Variants in PDE1C observed in about 807,000 individuals in gnomAD.
PDE1C encodes phosphodiesterase 1C.
Under a neutral mutation model 93.1 loss-of-function variants are expected in PDE1C, and 62 were observed. The ratio of observed to expected loss-of-function variants is 0.67; its 90% confidence interval spans 0.54 to 0.82. The LOEUF (loss-of-function observed/expected upper bound fraction) is 0.82, where lower values mean the gene tolerates loss of function less well. PDE1C is among the 40% of genes least tolerant of loss of function. The pLI is 0.00. For missense variants in PDE1C, 742 were observed against 884.6 expected (o/e 0.84, Z 2.04); for synonymous variants, 325 against 310.1 (o/e 1.05, Z -0.50).
At chr7:31,953,165 C>G (rs761363443) in intron 2 of PDE1C, among the ~76,000 whole-genome samples, 1 of 152,160 alleles carries the variant, frequency 6.6e-6, no homozygotes, top group Non-Finnish European at 1.5e-5. Context: ...TCATAATTAA[C>G]TGAATGTTTA....
At chr7:31,736,036 T>A in the PDE1C span, among the ~76,000 whole-genome samples, 1 of 152,150 alleles carries the variant, frequency 6.6e-6, no homozygotes, top group Non-Finnish European at 1.5e-5. Context: ...TGTGTGCAAA[T>A]TTTTTTGTGG....
chr7:31,816,621 G>A (rs1317358803), intron 14 of PDE1C, among the ~76,000 whole-genome samples: 1 of 152,074 alleles, frequency 6.6e-6, no homozygotes, highest in African/African-American at 2.4e-5. Context: ...AGTAAAAACT[G>A]CAGCTTCATG....
chr7:32,369,988 C>T (rs189838772), intron 1 of PDE1C, among the ~76,000 whole-genome samples: 5 of 152,116 alleles, frequency 3.3e-5, no homozygotes, highest in Non-Finnish European at 7.3e-5. Context: ...TGGGTATATA[C>T]CCAAAGGATT....
intron 1 of PDE1C, among the ~76,000 whole-genome samples, chr7:32,307,617 T>C (rs1813043279): frequency 6.6e-6 from 1 of 152,112 alleles, no homozygotes; most frequent in South Asian, 2.1e-4. Context: ...CCCTGCTGCA[T>C]GCCCAGGACT....
At chr7:32,362,277 G>A (rs1224427759) in intron 1 of PDE1C, among the ~76,000 whole-genome samples, 1 of 152,106 alleles carries the variant, frequency 6.6e-6, no homozygotes, top group Admixed American at 6.5e-5. Flanking sequence ...GTGTATATAA[G>A]AGACATGGGG....
intron 1 of PDE1C, among the ~76,000 whole-genome samples, chr7:32,066,735 T>C: frequency 7.7e-6 from 1 of 129,424 alleles, no homozygotes; most frequent in East Asian, 1.9e-4. Flanking sequence ...AACAAAAAAG[T>C]AATTCAGAGG....
intron 16 of PDE1C, chr7:31,786,953 CT>C (rs112143490): frequency 2.6e-5 from 3 of 115,510 alleles, no homozygotes; most frequent in South Asian, 2.8e-4. Context: ...ATCTATCTAT[CT>C]ATCATCTATC....
intron 16 of PDE1C, among the ~76,000 whole-genome samples, chr7:31,798,225 C>CA (rs1785549940): frequency 1.3e-5 from 2 of 151,764 alleles, no homozygotes; most frequent in African/African-American, 4.8e-5. Context: ...CAAAACTACG[C>CA]ACTGGTCACA....
chr7:32,154,266 T>C (rs1482384422), intron 3 of PDE1C, among the ~76,000 whole-genome samples: 1 of 152,110 alleles, frequency 6.6e-6, no homozygotes, highest in African/African-American at 2.4e-5. Context: ...CTCAAAAGTT[T>C]AAAAATTTAA....
intron 2 of PDE1C, among the ~76,000 whole-genome samples, chr7:31,985,889 G>A (rs773992703): frequency 1.3e-5 from 2 of 152,112 alleles, no homozygotes; most frequent in African/African-American, 2.4e-5. Flanking sequence ...TTTTTTAAAA[G>A]TGAAATCAGT....
chr7:32,234,697 A>G (rs1200119188), intron 1 of PDE1C, among the ~76,000 whole-genome samples: 1 of 152,036 alleles, frequency 6.6e-6, no homozygotes, highest in Non-Finnish European at 1.5e-5. Context: ...AAATCTAAAG[A>G]GAAGTTAACA....
intron 1 of PDE1C, among the ~76,000 whole-genome samples, chr7:32,219,951 A>G (rs1305523399): frequency 6.6e-6 from 1 of 152,280 alleles, no homozygotes. Context: ...ATGGTAGTGA[A>G]TAAGTCTCAC....
chr7:32,126,382 G>A (rs186779444), intron 3 of PDE1C, among the ~76,000 whole-genome samples: 11 of 152,258 alleles, frequency 7.2e-5, no homozygotes, highest in East Asian at 5.8e-4. Flanking sequence ...AACTCAGGCC[G>A]TCTGGCTCCA....
intron 3 of PDE1C, among the ~76,000 whole-genome samples, chr7:32,162,926 A>C (rs1802009285): frequency 6.6e-6 from 1 of 152,138 alleles, no homozygotes; most frequent in South Asian, 2.1e-4. Context: ...TCATTTTTTA[A>C]CACTGGAAGA....
At chr7:32,029,456 T>C (rs1161892736) in intron 2 of PDE1C, among the ~76,000 whole-genome samples, 1 of 152,094 alleles carries the variant, frequency 6.6e-6, no homozygotes, top group Non-Finnish European at 1.5e-5. Context: ...TCACACTGTT[T>C]GGAAAAACAA....
chr7:31,644,586 A>G, the PDE1C span, among the ~76,000 whole-genome samples: 1 of 152,154 alleles, frequency 6.6e-6, no homozygotes, highest in Admixed American at 6.5e-5. Flanking sequence ...CTTTTGGTCT[A>G]CCTTTGCTGA....
chr7:31,839,758 C>T (rs536706701), intron 9 of PDE1C, among the ~76,000 whole-genome samples: 4 of 152,296 alleles, frequency 2.6e-5, no homozygotes, highest in South Asian at 2.1e-4. Flanking sequence ...AACTGCCAGC[C>T]GGGCATAGTG....
chr7:32,329,590 G>A (rs536159228), intron 1 of PDE1C, among the ~76,000 whole-genome samples: 1 of 152,302 alleles, frequency 6.6e-6, no homozygotes, highest in African/African-American at 2.4e-5. Context: ...CAGAAAGTTT[G>A]CGGGAGTATT....
intron 1 of PDE1C, among the ~76,000 whole-genome samples, chr7:32,421,090 C>CAT (rs774006939): frequency 1.0e-5 from 1 of 98,626 alleles, no homozygotes; most frequent in Non-Finnish European, 2.1e-5. Context: ...AAAACTAACA[C>CAT]ACACACACAC....
Sources: gnomAD v4.1 joint callset for allele counts (sites outside exome capture counted in the v4.1 genomes callset) on GRCh38, gnomAD v4.1.1 for gene constraint, MANE v1.5 for transcripts, NCBI Gene and HGNC (gene_info 2026-07-23, HGNC 2026-07-21) for gene names.